The following ABCD2 variants were observed in gnomAD, a reference collection of about 807,000 sequenced individuals.
ABCD2 encodes the protein ATP binding cassette subfamily D member 2.
A neutral mutation model predicts 70.9 loss-of-function variants in ABCD2; 36 were observed. That is an observed-to-expected ratio of 0.51 (90% CI 0.39 to 0.67). The LOEUF (loss-of-function observed/expected upper bound fraction) is 0.67. Ranked by LOEUF, ABCD2 falls within the 30% of genes least tolerant of loss-of-function variation. ABCD2 has a pLI of 0.00. For missense variants in ABCD2, 729 were observed against 890.2 expected (o/e 0.82, Z 2.30); for synonymous variants, 304 against 306.9 (o/e 0.99, Z 0.10).
chr12:39,564,012 T>A (rs905662463), intron 9 of ABCD2, among the ~76,000 whole-genome samples: 2 of 152,244 alleles, frequency 1.3e-5, no homozygotes, highest in Admixed American at 6.5e-5. Flanking sequence ...CACATTTTCT[T>A]AATTCAGTCT....
At chr12:39,615,377 C>A (rs565415192) in intron 2 of ABCD2, among the ~76,000 whole-genome samples, 1 of 151,930 alleles carries the variant, frequency 6.6e-6, no homozygotes, top group South Asian at 2.1e-4. Flanking sequence ...TTTGGTAAAA[C>A]TAATATTAAC....
chr12:39,546,420 G>T (rs1941026054), downstream of ABCD2, among the ~76,000 whole-genome samples: 1 of 152,030 alleles, frequency 6.6e-6, no homozygotes, highest in Non-Finnish European at 1.5e-5. Context: ...AACTAAATAA[G>T]ACAAGCAAGA....
chr12:39,542,537 T>A, the ABCD2 span, among the ~76,000 whole-genome samples: 1 of 151,976 alleles, frequency 6.6e-6, no homozygotes, highest in Non-Finnish European at 1.5e-5. Flanking sequence ...GCAATGGCAG[T>A]AGTCCAGGTC....
chr12:39,568,589 G>A (rs188592288), intron 9 of ABCD2, among the ~76,000 whole-genome samples: 18 of 152,118 alleles, frequency 1.2e-4, no homozygotes, highest in South Asian at 1.0e-3. Flanking sequence ...CCTTTAGCTC[G>A]GAGTAGTTTG....
At chr12:39,563,369 G>T (rs554320979) in intron 9 of ABCD2, among the ~76,000 whole-genome samples, 1 of 152,130 alleles carries the variant, frequency 6.6e-6, no homozygotes, top group African/African-American at 2.4e-5. Context: ...TCCAGCCTGG[G>T]TGACAGAGTG....
chr12:39,555,138 T>C (rs1197414436), intron 9 of ABCD2, among the ~76,000 whole-genome samples: 1 of 152,160 alleles, frequency 6.6e-6, no homozygotes, highest in Admixed American at 6.6e-5. Context: ...ACCAGTAATT[T>C]CAGAACATTC....
At chr12:39,559,513 T>C (rs1941222097) in intron 9 of ABCD2, among the ~76,000 whole-genome samples, 1 of 151,666 alleles carries the variant, frequency 6.6e-6, no homozygotes, top group South Asian at 2.1e-4. Context: ...GACATATAAC[T>C]ATCTAGGTAC....
intron 9 of ABCD2, among the ~76,000 whole-genome samples, chr12:39,566,651 G>C (rs558850164): frequency 1.7e-4 from 26 of 152,198 alleles, no homozygotes; most frequent in African/African-American, 4.3e-4. Context: ...TCTGATCTTA[G>C]TTATTTCTTG....
chr12:39,560,829 C>T (rs963915236), intron 9 of ABCD2, among the ~76,000 whole-genome samples: 1 of 151,758 alleles, frequency 6.6e-6, no homozygotes, highest in Non-Finnish European at 1.5e-5. Context: ...ATAATAGGTA[C>T]AAAAATAACA....
At chr12:39,602,162 TA>T (rs1188361314) in intron 5 of ABCD2, among the ~76,000 whole-genome samples, 1 of 148,640 alleles carries the variant, frequency 6.7e-6, no homozygotes. Context: ...TTTATTTATT[TA>T]TTTATTTTTT....
downstream of ABCD2, among the ~76,000 whole-genome samples, chr12:39,548,070 C>T (rs1566518132): frequency 6.6e-6 from 1 of 152,152 alleles, no homozygotes; most frequent in African/African-American, 2.4e-5. Context: ...GAACTTTGAT[C>T]TTTTCCTGGG....
At chr12:39,588,217 T>C (rs1024656159) in intron 6 of ABCD2, among the ~76,000 whole-genome samples, 1 of 152,190 alleles carries the variant, frequency 6.6e-6, no homozygotes, top group Admixed American at 6.5e-5. Context: ...TATTATCCTT[T>C]GAGAAGCACA....
the ABCD2 span, among the ~76,000 whole-genome samples, chr12:39,536,377 G>C: frequency 6.6e-6 from 1 of 152,218 alleles, no homozygotes. Context: ...CTGCAGTAGA[G>C]GGGCCTGAGC....
intron 9 of ABCD2, among the ~76,000 whole-genome samples, chr12:39,555,873 G>A (rs1941157895): frequency 6.6e-6 from 1 of 152,126 alleles, no homozygotes; most frequent in South Asian, 2.1e-4. Context: ...TCAGTGGCTG[G>A]GGGCTCAGAT....
At chr12:39,537,949 G>A in the ABCD2 span, among the ~76,000 whole-genome samples, 3 of 152,178 alleles carry the variant, frequency 2.0e-5, no homozygotes, top group Non-Finnish European at 2.9e-5. Flanking sequence ...CAGGAGAATA[G>A]GGTCTGGAGG....
At chr12:39,604,952 A>G (rs1941950237) in intron 3 of ABCD2, 22 bp from the exon 4 acceptor site, 3 of 1,538,786 alleles carry the variant, frequency 1.9e-6, no homozygotes, top group Non-Finnish European at 2.6e-6. Context: ...ACAGAGATAT[A>G]AAATAGAGTT....
At chr12:39,591,110 A>G (rs575870368) in intron 6 of ABCD2, among the ~76,000 whole-genome samples, 14 of 152,370 alleles carry the variant, frequency 9.2e-5, no homozygotes, top group African/African-American at 3.4e-4. Flanking sequence ...ACCACTAAGT[A>G]CTGCTGTGTT....
chr12:39,604,651 G>T, intron 4 of ABCD2, 111 bp downstream of exon 4: 2 of 790,418 alleles, frequency 2.5e-6, no homozygotes, highest in Non-Finnish European at 3.8e-6. Flanking sequence ...AAATAATGTT[G>T]GTTATTTAAA....
At chr12:39,585,090 A>AATAT (rs1941647602) in intron 7 of ABCD2, among the ~76,000 whole-genome samples, 2 of 152,192 alleles carry the variant, frequency 1.3e-5, no homozygotes, top group South Asian at 4.1e-4. Context: ...AATAGCATTG[A>AATAT]ATATGTAAAT....
Sources: gnomAD v4.1 joint callset for allele counts (sites outside exome capture counted in the v4.1 genomes callset) on GRCh38, gnomAD v4.1.1 for gene constraint, MANE v1.5 for transcripts, NCBI Gene and HGNC (gene_info 2026-07-23, HGNC 2026-07-21) for gene names.